JADE1: variants seen among roughly 807,000 people sequenced by gnomAD.
The protein encoded by JADE1 is jade family PHD finger 1.
Under a neutral mutation model 81.8 loss-of-function variants are expected in JADE1, and 14 were observed. That is an observed-to-expected ratio of 0.17 (90% CI 0.11 to 0.27). The LOEUF is 0.27. Among genes scored for constraint, JADE1 ranks in the 10% least tolerant of loss-of-function variants. JADE1 has a pLI of 1.00. For missense variants in JADE1, 690 were observed against 1,047.9 expected, an observed-to-expected ratio of 0.66 and a Z score of 4.71; for synonymous variants, 353 against 391.9, an observed-to-expected ratio of 0.90 and a Z score of 1.17.
At chr4:128,861,214 A>G (rs1731297788) in intron 8 of JADE1, among the ~76,000 whole-genome samples, 1 of 152,246 alleles carries the variant, frequency 6.6e-6, no homozygotes, top group Non-Finnish European at 1.5e-5. Context: ...TATTGAGTAC[A>G]GATTCTTTTG....
Position 128,864,372 on chromosome 4 carries a change from C to G in JADE1, c.1503+2147C>G, listed in dbSNP as rs909038817. The stretch of plus-strand genomic sequence containing the variant: ...TGTTGGTCAGGTTGGTCTTGAACTC[C>G]TGACCTCAAGTGATCTACCTGTCTT... On this transcript the variant is annotated intron_variant, in intron 9 of 10. Transcript: ENST00000226319. 4.6e-6 allele frequency: 4 copies of G among 863,200 alleles called. No homozygotes were observed. In the African/African-American group the frequency reaches 5.5e-5, roughly 12 times the overall value. 53.5% of individuals were successfully genotyped at this position (863,200 alleles called of 1,614,324 possible). A position where few individuals can be genotyped will look rare whatever the true frequency, so the allele number is the denominator to read the frequency against.
At chr4:128,870,160 TA>T (rs1465638337) in intron 10 of JADE1, among the ~76,000 whole-genome samples, 1 of 152,140 alleles carries the variant, frequency 6.6e-6, no homozygotes, top group Non-Finnish European at 1.5e-5. Flanking sequence ...GGTGATTGAG[TA>T]AAAGAAATAT....
At chr4:128,853,166 G>A (rs1160803701) in intron 6 of JADE1, among the ~76,000 whole-genome samples, 1 of 152,128 alleles carries the variant, frequency 6.6e-6, no homozygotes, top group Admixed American at 6.5e-5. Flanking sequence ...GTGAGGCACC[G>A]TGCCCGGTCC....
rs989086882 is a variant in JADE1, at chr4:128,820,404, G to T, written c.-27+10527G>T. On this transcript the variant is annotated intron_variant, in intron 1 of 10. Transcript: ENST00000226319. ...TGGGATTACAGGCGTGAGCCACCAC[G>T]CCTGGCTTTCTTTTGGGAAGATTTC... Among the ~76,000 whole-genome samples the T allele has an allele frequency of 3.9e-5, 6 of 152,136 alleles. 1 individual carries two copies. Among genetic ancestry groups the T allele is most frequent in the Middle Eastern group, 6.8e-3 (2 of 292 alleles).
chr4:128,864,620 T>C (rs755890199), intron 9 of JADE1: 34 of 984,918 alleles, frequency 3.5e-5, no homozygotes, highest in Non-Finnish European at 4.0e-5. Flanking sequence ...AAAAAACCAA[T>C]CATTACTACC....
chr4:128,812,910 T>C (rs1726610957), intron 1 of JADE1, among the ~76,000 whole-genome samples: 1 of 152,206 alleles, frequency 6.6e-6, no homozygotes, highest in African/African-American at 2.4e-5. Flanking sequence ...TTTAGGAAAG[T>C]AGGAGAGGAT....
chr4:128,861,018 G>A (rs1011557068), intron 8 of JADE1, among the ~76,000 whole-genome samples: 5 of 152,150 alleles, frequency 3.3e-5, no homozygotes, highest in Non-Finnish European at 5.9e-5. Context: ...CCTTCGTGCT[G>A]CTTCAAGGAA....
chr4:128,839,712 A>G (rs1729273746), intron 2 of JADE1, among the ~76,000 whole-genome samples: 1 of 151,804 alleles, frequency 6.6e-6, no homozygotes. Context: ...GCATTTATTC[A>G]TGTTTGCATG....
chr4:128,872,387 C>A lies in JADE1; in HGVS notation c.*125C>A. On this transcript the variant is annotated 3_prime_UTR_variant, in exon 11 of 11. Transcript: ENST00000226319. ...TACACAAACACATTTACTTGCAATT[C>A]AGATTAATTTTTTTCCAGAGTCATT... 1.2e-6 allele frequency: 1 copy of A among 803,788 alleles called. No homozygotes were observed. 49.8% of individuals were successfully genotyped at this position (803,788 alleles called of 1,614,324 possible). A position where few individuals can be genotyped will look rare whatever the true frequency, so the allele number is the denominator to read the frequency against.
In JADE1 at chr4:128,817,962, TAAG is replaced by T. The variant is rs939264282; in HGVS notation, c.-27+8089_-27+8091del. Reference sequence around the variant, plus strand: ...ATTGGTCATTAACTTGAAAATCAAATAAGAAGCCTGTTAGAAGTTTTTAAAACT... The same window carrying T: ...ATTGGTCATTAACTTGAAAATCAAATAAGCCTGTTAGAAGTTTTTAAAACT... On this transcript the variant is annotated intron_variant, in intron 1 of 10. Transcript: ENST00000226319. 5.3e-5 allele frequency among the ~76,000 whole-genome samples: 8 copies of T among 152,322 alleles called. No individual in the cohort carries two copies. The East Asian group carries it at 7.7e-4, about 15-fold the overall frequency.
chr4:128,828,990 G>A (rs1728304099), intron 1 of JADE1, among the ~76,000 whole-genome samples: 1 of 152,114 alleles, frequency 6.6e-6, no homozygotes, highest in African/African-American at 2.4e-5. Flanking sequence ...TGGCTTTGGG[G>A]AGCTGAAGCT....
intron 1 of JADE1, among the ~76,000 whole-genome samples, chr4:128,822,580 G>A (rs898168363): frequency 2.6e-5 from 4 of 151,812 alleles, no homozygotes; most frequent in African/African-American, 4.8e-5. Context: ...TTAGCCGGGC[G>A]TGGTGGCACA....
intron 5 of JADE1, among the ~76,000 whole-genome samples, chr4:128,849,947 C>T (rs1258337848): frequency 2.0e-5 from 3 of 152,028 alleles, no homozygotes; most frequent in Admixed American, 6.5e-5. Flanking sequence ...TGTAGGTACA[C>T]GGTGGGGAGG....
At chr4:128,863,778 G>A (rs1051434706) in intron 9 of JADE1, 7 of 985,326 alleles carry the variant, frequency 7.1e-6, no homozygotes, top group Middle Eastern at 5.2e-4. Context: ...ATCCTGGTAA[G>A]AAGCCTTTAT....
At chr4:128,863,453 C>G (rs1731534458) in intron 9 of JADE1, 1 of 985,152 alleles carries the variant, frequency 1.0e-6, no homozygotes, top group African/African-American at 1.7e-5. Context: ...AAAGCCTGAT[C>G]TCATGGAGAC....
intron 2 of JADE1, among the ~76,000 whole-genome samples, chr4:128,834,294 T>G (rs568913493): frequency 6.6e-6 from 1 of 152,246 alleles, no homozygotes; most frequent in Non-Finnish European, 1.5e-5. Context: ...CAGATGGACT[T>G]CTTCTCACGT....
chr4:128,847,086 T>C (rs1262586527), intron 4 of JADE1, among the ~76,000 whole-genome samples: 1 of 152,184 alleles, frequency 6.6e-6, no homozygotes, highest in East Asian at 1.9e-4. Context: ...GTACGTTCTC[T>C]GGATTTACTG....
chr4:128,826,365 T>A (rs1728065551), intron 1 of JADE1, among the ~76,000 whole-genome samples: 1 of 73,454 alleles, frequency 1.4e-5, no homozygotes, highest in Admixed American at 1.7e-4. Flanking sequence ...CTCTGTTATG[T>A]CTTTTTTTTT....
intron 10 of JADE1, among the ~76,000 whole-genome samples, chr4:128,868,718 G>A (rs1425336819): frequency 6.6e-6 from 1 of 152,138 alleles, no homozygotes; most frequent in Non-Finnish European, 1.5e-5. Context: ...GTGCATTTGA[G>A]CCCTATATTC....
Sources: gnomAD v4.1 joint callset for allele counts (sites outside exome capture counted in the v4.1 genomes callset) on GRCh38, gnomAD v4.1.1 for gene constraint, MANE v1.5 for transcripts, NCBI Gene and HGNC (gene_info 2026-07-23, HGNC 2026-07-21) for gene names.